ADAR: variants seen among roughly 807,000 people sequenced by gnomAD.
ADAR encodes double-stranded RNA-specific adenosine deaminase.
A neutral mutation model predicts 113.2 loss-of-function variants in ADAR; 41 were observed. The observed-to-expected ratio is 0.36, with a 90% CI of 0.28 to 0.47. ADAR has a LOEUF of 0.47. Ranked by LOEUF, ADAR falls within the 20% of genes least tolerant of loss-of-function variation. ADAR has a pLI of 1.00. For missense variants in ADAR, 1,242 were observed against 1,540.9 expected (o/e 0.81, Z 3.25); for synonymous variants, 605 against 572.6 (o/e 1.06, Z -0.81).
rs1697956347 is a variant in ADAR at position 154,602,530 on chromosome 1, T to C, written c.112A>G (p.Ser38Gly). 1 of 1,614,222 alleles carries C rather than the reference T, an allele frequency of 6.2e-7. No individual in the cohort carries two copies. The highest frequency in any genetic ancestry group is 8.5e-7 in the Non-Finnish European group (1 of 1,180,032). The change falls in exon 2 of 15, where the codon AGT becomes GGT. Residue 38 changes from serine to glycine, a missense_variant. By Grantham distance (56) the Ser-to-Gly change is moderately conservative (BLOSUM62 0). This residue lies in a region of ADAR where 462 missense variants were observed against 483.1 expected (regional missense o/e 0.96). Coordinates refer to ENST00000368474, the MANE Select transcript of ADAR (RefSeq NM_001111.5). ...QQPGPGSSPS[S>G]FLLKQIEFLK... ...AATTCTATTTGCTTAAGCAGGAAAC[T>C]ACTGGGGGAAGATCCTGGCCCAGGC...
At chr1:154,596,289 C>T (rs1697489358) in intron 6 of ADAR, among the ~76,000 whole-genome samples, 1 of 152,182 alleles carries the variant, frequency 6.6e-6, no homozygotes, top group Non-Finnish European at 1.5e-5. Flanking sequence ...GTTGCTCAGG[C>T]TGGAGTGCAG....
At chr1:154,607,834 G>T (rs1211750105) in intron 1 of ADAR, among the ~76,000 whole-genome samples, 158 bp downstream of exon 1, 1 of 147,728 alleles carries the variant, frequency 6.8e-6, no homozygotes, top group Non-Finnish European at 1.5e-5. Context: ...CTCACAAGAC[G>T]CACAAATTCC....
In ADAR at chr1:154,597,201, C is replaced by A. The variant is rs752465315; in HGVS notation, c.2001G>T (p.Val667=). 6.8e-6 allele frequency: 11 copies of A among 1,614,104 alleles called. No homozygotes were observed. Among genetic ancestry groups the A allele is most frequent in the African/African-American group, 1.3e-5 (1 of 74,928 alleles). The part of the protein sequence containing the change: ...FPSVSAPSKK[V]AKQMAAEEAM... ...CTTCCTCTGCGGCCATCTGCTTTGCCACTTTCTTGCTGGGAGCACTCACAC... is the reference window on the plus strand; with the variant it reads ...CTTCCTCTGCGGCCATCTGCTTTGCAACTTTCTTGCTGGGAGCACTCACAC... The change falls in exon 5 of 15, where the codon GTG becomes GTT. Residue 667 remains valine, a synonymous_variant. Transcript: ENST00000368474.
Position 154,619,457 on chromosome 1 carries a change from C to A in ADAR, c.-871+8398G>T, listed in dbSNP as rs180825043. ...CATCATGGGAACTGTTCTGTCTGTACGAACCAACACAGCACTGCCTGAAAG... is the reference window on the plus strand; with the variant it reads ...CATCATGGGAACTGTTCTGTCTGTAAGAACCAACACAGCACTGCCTGAAAG... On this transcript the variant is annotated intron_variant, in intron 1 of 14. Coordinates refer to the ADAR transcript ENST00000368471. 6.6e-4 allele frequency among the ~76,000 whole-genome samples: 101 copies of A among 152,250 alleles called. 1 individual carries two copies. Among genetic ancestry groups the A allele is most frequent in the African/African-American group, 2.3e-3 (95 of 41,542 alleles).
chr1:154,590,162 CA>C, intron 7 of ADAR, 21 bp downstream of exon 7: 2 of 1,007,110 alleles, frequency 2.0e-6, no homozygotes, highest in South Asian at 2.5e-5. Context: ...CCAAAAAAGG[CA>C]CCAAAAGTAG....
chr1:154,589,085 A>G (rs1403225393), intron 9 of ADAR, among the ~76,000 whole-genome samples: 2 of 152,238 alleles, frequency 1.3e-5, no homozygotes. Flanking sequence ...CTGAGGACTA[A>G]AAGGTCATTT....
Position 154,602,044 on chromosome 1 carries a change from A to G in ADAR, c.598T>C (p.Ser200Pro). 1 of 1,614,194 alleles carries G rather than the reference A, an allele frequency of 6.2e-7. No homozygotes were observed. Among genetic ancestry groups the G allele is most frequent in the East Asian group, 2.2e-5 (1 of 44,880 alleles). The change falls in exon 2 of 15, where the codon TCC becomes CCC. Residue 200 changes from serine to proline, a missense_variant. Ser to Pro is a moderately conservative substitution (Grantham distance 74, BLOSUM62 -1). Transcript: ENST00000368474. Reference protein sequence around the residue: ...GTPPLWKIAVSTQAWNQHSGV... With the variant: ...GTPPLWKIAVPTQAWNQHSGV... Reference sequence around the variant, plus strand: ...CTGTGCTGGTTCCAAGCCTGAGTGGAGACCGCGATTTTCCACAAAGGGGGT... The same window carrying G: ...CTGTGCTGGTTCCAAGCCTGAGTGGGGACCGCGATTTTCCACAAAGGGGGT...
At chr1:154,613,916 AAAAG>A (rs1340020219) in intron 1 of ADAR, among the ~76,000 whole-genome samples, 10 of 151,752 alleles carry the variant, frequency 6.6e-5, no homozygotes, top group Admixed American at 1.3e-4. Context: ...AAAAAAAAAA[AAAAG>A]AAAGCAAGAA....
In ADAR at chr1:154,588,611, G is replaced by A. The variant is rs777215669; in HGVS notation, c.2825C>T (p.Pro942Leu). 1.2e-6 allele frequency: 2 copies of A among 1,613,994 alleles called. No individual in the cohort carries two copies. Among genetic ancestry groups the A allele is most frequent in the Non-Finnish European group, 1.7e-6 (2 of 1,179,916 alleles). The stretch of plus-strand genomic sequence containing the variant: ...TTGGAGCTTTTCTCCTCCCTTAGCA[G>A]GTTCAAATATACTATCCTTCGCAGT... The part of the protein sequence containing the change: ...SQTAKDSIFE[P>L]AKGGEKLQIK... Residue 942 changes from proline (P) to leucine (L), a missense_variant, in exon 10 of 15, where the codon CCT (proline) becomes CTT (leucine). By Grantham distance (98) the Pro-to-Leu change is moderately conservative. Around this residue, in one of 2 missense-constraint regions of ADAR, gnomAD observed 780 missense variants for 1,057.9 expected, o/e 0.74. Transcript: ENST00000368474.
At position 154,584,905 on chromosome 1, in the gene ADAR, C is replaced by T. The variant is rs776752850; in HGVS notation, c.3582G>A (p.Thr1194=). 7 of 1,614,112 alleles carry T rather than the reference C, an allele frequency of 4.3e-6. No homozygotes were observed. Among genetic ancestry groups the T allele is most frequent in the South Asian group, 3.3e-5 (3 of 91,072 alleles). ...EAKKAARDYE[T]AKNYFKKGLK... ...GGCCTTTTTTGAAGTAGTTCTTGGCCGTCTCGTAGTCACGGGCAGCTTTCT... is the reference window on the plus strand; with the variant it reads ...GGCCTTTTTTGAAGTAGTTCTTGGCTGTCTCGTAGTCACGGGCAGCTTTCT... Residue 1194 remains threonine (T), a synonymous_variant, in exon 15 of 15, where the codon ACG becomes ACA. Coordinates refer to ENST00000368474, the MANE Select transcript of ADAR (RefSeq NM_001111.5).
intron 1 of ADAR, among the ~76,000 whole-genome samples, chr1:154,615,450 C>A (rs1176693380): frequency 6.6e-6 from 1 of 152,184 alleles, no homozygotes; most frequent in Non-Finnish European, 1.5e-5. Context: ...GTCTCTGTCA[C>A]CCAGGCCAGA....
At chr1:154,606,324 G>A (rs181581259) in intron 1 of ADAR, among the ~76,000 whole-genome samples, 423 of 152,222 alleles carry the variant, frequency 2.8e-3, no homozygotes, top group African/African-American at 9.9e-3. Flanking sequence ...GAGCTACCAC[G>A]CCCGGCCAGT....
At position 154,582,990 on chromosome 1, in the gene ADAR, A is replaced by G. The variant is rs540829116; in HGVS notation, c.*1816T>C. Reference sequence around the variant, plus strand: ...AACTTGCATTTTCTTACTTTGGTCAATTTTTGGTCAAAAGTACAGAGAGCA... The same window carrying G: ...AACTTGCATTTTCTTACTTTGGTCAGTTTTTGGTCAAAAGTACAGAGAGCA... On this transcript the variant is annotated 3_prime_UTR_variant, in exon 15 of 15. Coordinates refer to ENST00000368474, the MANE Select transcript of ADAR (RefSeq NM_001111.5). 1 of 152,346 alleles carries G rather than the reference A, an allele frequency of 6.6e-6. No individual in the cohort carries two copies. The highest frequency in any genetic ancestry group is 2.1e-4 in the South Asian group (1 of 4,828). The allele number at this position is 152,346 out of a possible 1,614,324, so 9.4% of individuals were successfully genotyped here. A position where few individuals can be genotyped will look rare whatever the true frequency, so the allele number is the denominator to read the frequency against.
At chr1:154,589,682 T>A in intron 8 of ADAR, 75 bp downstream of exon 8, 1 of 1,567,924 alleles carries the variant, frequency 6.4e-7, no homozygotes, top group Non-Finnish European at 8.8e-7. Context: ...CTTACATGCA[T>A]GGACTCCAGG....
At chr1:154,594,530 T>C (rs1571081154) in intron 6 of ADAR, among the ~76,000 whole-genome samples, 2 of 152,180 alleles carry the variant, frequency 1.3e-5, no homozygotes, top group Admixed American at 1.3e-4. Flanking sequence ...TGACCACCAA[T>C]ATCTGACTCC....
At chr1:154,596,647 G>A (rs1010834477) in intron 6 of ADAR, among the ~76,000 whole-genome samples, 158 bp downstream of exon 6, 1 of 152,106 alleles carries the variant, frequency 6.6e-6, no homozygotes. Context: ...CTCTTGGCAG[G>A]TCTATTGTCT....
intron 1 of ADAR, among the ~76,000 whole-genome samples, chr1:154,626,875 TCA>T (rs1698952274): frequency 2.6e-5 from 4 of 152,328 alleles, no homozygotes; most frequent in Admixed American, 2.6e-4. Context: ...CCAAGATATT[TCA>T]AGAGATCTTT....
chr1:154,599,160 A>G (rs1318975163), intron 2 of ADAR, among the ~76,000 whole-genome samples: 1 of 152,182 alleles, frequency 6.6e-6, no homozygotes, highest in African/African-American at 2.4e-5. Context: ...TATTTTCTAC[A>G]TAACAAGGAA....
Position 154,588,169 on chromosome 1 carries a change from A to C in ADAR, c.2975T>G (p.Phe992Cys). Residue 992 changes from phenylalanine to cysteine, a missense_variant, in exon 11 of 15, where the codon TTC becomes TGC. By Grantham distance (205) the Phe-to-Cys change is radical. Transcript: ENST00000368474. Reference protein sequence around the residue: ...ESTESRHYPVFENPKQGKLRT... With the variant: ...ESTESRHYPVCENPKQGKLRT... ...GAGCTTTCCTTGTTTGGGATTCTCGAAGACAGGGTAGTGGCGGGATTCTGT... is the reference window on the plus strand; with the variant it reads ...GAGCTTTCCTTGTTTGGGATTCTCGCAGACAGGGTAGTGGCGGGATTCTGT... 6.2e-7 allele frequency: 1 copy of C among 1,614,122 alleles called. No homozygotes were observed. Among genetic ancestry groups the C allele is most frequent in the Non-Finnish European group, 8.5e-7 (1 of 1,180,032 alleles).
Sources: allele counts gnomAD v4.1 joint callset (sites outside exome capture counted in the v4.1 genomes callset), GRCh38; gene constraint gnomAD v4.1.1; regional missense constraint gnomAD v4.1.1; transcripts MANE v1.5; gene names NCBI Gene and HGNC (gene_info 2026-07-23, HGNC 2026-07-21).